Variants in RASA3 observed in about 807,000 individuals in gnomAD.
RASA3 encodes RAS p21 protein activator 3, also known as ras GTPase-activating protein 3.
A neutral mutation model predicts 110.0 loss-of-function variants in RASA3; 73 were observed. The observed-to-expected ratio is 0.66, with a 90% CI of 0.55 to 0.81. The LOEUF is 0.81. Ranked by LOEUF, RASA3 falls within the 30% of genes least tolerant of loss-of-function variation. RASA3 has a pLI of 0.00. For synonymous variants in RASA3, 500 were observed against 451.4 expected (o/e 1.11, Z -1.37); for missense variants, 976 against 1,113.2 (o/e 0.88, Z 1.75).
In RASA3 at chr13:114,014,085, CCTCTCTCTCCGTCTCTCCCTGT is replaced by C; in HGVS notation, c.1406-859_1406-838del. On this transcript the variant is annotated intron_variant, in intron 14 of 23. Transcript: ENST00000334062. This position sits in a 1 kb window ranked among gnomAD's most constrained non-coding sequence, Gnocchi z 4.5. ...CTGCCTCTCTCTCCGTCTGTCTCTG[CCTCTCTCTCCGTCTCTCCCTGT>C]CTCTCTCTCTCTCTCCTTGTCTCTC... 1.7e-5 allele frequency among the ~76,000 whole-genome samples: 2 copies of C among 120,956 alleles called. No homozygotes were observed. The highest frequency in any genetic ancestry group is 2.9e-5 in the African/African-American group (1 of 34,548). The allele number at this position is 120,956 out of a possible 152,430, so 79.4% of individuals were successfully genotyped here.
chr13:114,019,795 G>A (rs1277473809), intron 9 of RASA3, among the ~76,000 whole-genome samples: 3 of 140,260 alleles, frequency 2.1e-5, no homozygotes, highest in Admixed American at 1.4e-4. Flanking sequence ...CCCCCCTCAG[G>A]TGGGTGGAGC....
At chr13:114,089,279 A>AGGGGAGACGAGC (rs1189205352) in intron 1 of RASA3, among the ~76,000 whole-genome samples, 3 of 73,044 alleles carry the variant, frequency 4.1e-5, no homozygotes, top group African/African-American at 5.3e-5. Context: ...AGGGGAGACG[A>AGGGGAGACGAGC]GGGGAGACGA....
intron 1 of RASA3, among the ~76,000 whole-genome samples, chr13:114,090,196 T>A (rs752000313): frequency 1.7e-4 from 26 of 152,174 alleles, no homozygotes; most frequent in Non-Finnish European, 2.9e-4. Context: ...CAGGTTTAAT[T>A]ACCCTAGGAG....
At chr13:114,000,439 A>T (rs901275214) in intron 19 of RASA3, among the ~76,000 whole-genome samples, 1 of 152,148 alleles carries the variant, frequency 6.6e-6, no homozygotes, top group Admixed American at 6.5e-5. Flanking sequence ...CCTAATCTAG[A>T]TCTGAGCCAG....
chr13:114,081,855 G>A (rs950183961), intron 1 of RASA3, among the ~76,000 whole-genome samples: 10 of 152,198 alleles, frequency 6.6e-5, no homozygotes, highest in Admixed American at 2.6e-4. Flanking sequence ...CAGGGCCCCC[G>A]TGTTCCTAGC....
At chr13:114,077,524 G>C (rs2079707780) in intron 1 of RASA3, among the ~76,000 whole-genome samples, 2 of 111,512 alleles carry the variant, frequency 1.8e-5, no homozygotes, top group African/African-American at 7.2e-5. Flanking sequence ...CAACGCACCG[G>C]ATTCATCCCT....
intron 1 of RASA3, among the ~76,000 whole-genome samples, chr13:114,107,044 C>T (rs2080143900): frequency 6.6e-6 from 1 of 152,244 alleles, no homozygotes; most frequent in Non-Finnish European, 1.5e-5. Flanking sequence ...CACGCCCACA[C>T]CTCCTCTCTC....
intron 20 of RASA3, among the ~76,000 whole-genome samples, chr13:113,999,062 ATGTGGGTCCGGGT>A (rs1566458276): frequency 0.025 from 875 of 35,348 alleles, 24 homozygotes; most frequent in East Asian, 0.25. Flanking sequence ...ACGAGGCGAC[ATGTGGGTCCGGGT>A]CAAGCGTGAC....
Position 114,041,106 on chromosome 13 carries a change from G to A in RASA3, c.278-12C>T. ...GATGGCCACCTTCCCTGCAACACAA[G>A]CAGAGAAGACTTCACCACGGGCACA... On this transcript the variant is annotated splice_polypyrimidine_tract_variant and intron_variant, in intron 3 of 23. Coordinates refer to ENST00000334062, the MANE Select transcript of RASA3 (RefSeq NM_007368.4). The A allele has an allele frequency of 6.2e-7, 1 of 1,612,572 alleles. No homozygotes were observed. The highest frequency in any genetic ancestry group is 8.5e-7 in the Non-Finnish European group (1 of 1,179,038).
At chr13:113,979,841 A>T (rs1172028138) in intron 23 of RASA3, among the ~76,000 whole-genome samples, 1 of 149,848 alleles carries the variant, frequency 6.7e-6, no homozygotes, top group Non-Finnish European at 1.5e-5. Flanking sequence ...CCACATGCAC[A>T]CCTCCCTCAT....
rs1225507584 is a variant in RASA3, at chr13:114,115,515, G to T, written c.55+16920C>A. On this transcript the variant is annotated intron_variant, in intron 1 of 23. Coordinates refer to ENST00000334062, the MANE Select transcript of RASA3 (RefSeq NM_007368.4). This position sits in a 1 kb window ranked among gnomAD's most constrained non-coding sequence, Gnocchi z 5.0. ...GATTCATTAATACTCACTTCCTGTC[G>T]CAAGAGACTCATGCCCTAGAGATAA... is the stretch of plus-strand genomic sequence containing the variant. 6.6e-6 allele frequency among the ~76,000 whole-genome samples: 1 copy of T among 152,194 alleles called. No homozygotes were observed. Among genetic ancestry groups the T allele is most frequent in the Non-Finnish European group, 1.5e-5 (1 of 68,030 alleles).
In RASA3 at chr13:114,129,850, C is replaced by T. The variant is rs180835141; in HGVS notation, c.55+2585G>A. On this transcript the variant is annotated intron_variant, in intron 1 of 23. Coordinates refer to ENST00000334062, the MANE Select transcript of RASA3 (RefSeq NM_007368.4). ...CTGGCAGACTCATGGGCAAATCCAGCGCTCCTGGAGACAAGGCTCAGAGGT... is the reference window on the plus strand; with the variant it reads ...CTGGCAGACTCATGGGCAAATCCAGTGCTCCTGGAGACAAGGCTCAGAGGT... Among the ~76,000 whole-genome samples, 395 of 152,330 alleles carry T rather than the reference C, an allele frequency of 2.6e-3. 1 individual carries two copies. Among genetic ancestry groups the T allele is most frequent in the Non-Finnish European group, 4.2e-3 (285 of 68,022 alleles).
intron 4 of RASA3, among the ~76,000 whole-genome samples, chr13:114,040,440 C>T (rs1156883314): frequency 1.7e-4 from 10 of 57,746 alleles, no homozygotes; most frequent in African/African-American, 5.9e-4. Context: ...CGAGCACAAG[C>T]GGGCGAACAC....
At position 114,057,815 on chromosome 13, in the gene RASA3, G is replaced by A. The variant is rs1039849429; in HGVS notation, c.174-5660C>T. 2.0e-4 allele frequency among the ~76,000 whole-genome samples: 31 copies of A among 152,200 alleles called. No homozygotes were observed. The highest frequency in any genetic ancestry group is 6.3e-4 in the African/African-American group (26 of 41,450). ...TGGAAGGGGCACCTCTGGCCAGGGC[G>A]CTCAGCACGAGGGGACCCAGAACAA... On this transcript the variant is annotated intron_variant, in intron 2 of 23. Coordinates refer to ENST00000334062, the MANE Select transcript of RASA3 (RefSeq NM_007368.4). This position sits in a 1 kb window ranked among gnomAD's most constrained non-coding sequence, Gnocchi z 5.0.
intron 21 of RASA3, among the ~76,000 whole-genome samples, chr13:113,995,059 G>A (rs2139112698): frequency 6.6e-6 from 1 of 152,384 alleles, no homozygotes; most frequent in East Asian, 1.9e-4. Context: ...CTCCCGAGCT[G>A]TCCGGCCTCA....
At chr13:114,106,846 G>C (rs897071310) in intron 1 of RASA3, among the ~76,000 whole-genome samples, 4 of 152,208 alleles carry the variant, frequency 2.6e-5, no homozygotes, top group Admixed American at 2.0e-4. Flanking sequence ...CATTTAGAAA[G>C]CTCTGCGTAT....
In RASA3 at chr13:114,021,429, G is replaced by A. The variant is rs751225018; in HGVS notation, c.760C>T (p.Arg254Trp). 27 of 1,613,876 alleles carry A rather than the reference G, an allele frequency of 1.7e-5. No individual in the cohort carries two copies. The highest frequency in any genetic ancestry group is 3.3e-5 in the South Asian group (3 of 91,090). The change falls in exon 9 of 24, where the codon CGG (arginine) becomes TGG (tryptophan). Residue 254 changes from arginine (R) to tryptophan (W), a missense_variant. By Grantham distance (101) the Arg-to-Trp change is moderately radical. This residue lies in a region of RASA3 where 732 missense variants were observed against 779.7 expected (regional missense o/e 0.94). Coordinates refer to ENST00000334062, the MANE Select transcript of RASA3 (RefSeq NM_007368.4). ...GELRIPLKVL[R>W]QSSSYEAWYF... ...CACGCCTCGTAGGAGCTGGACTGCC[G>A]CAGGACTTTCAACGGGATCCTTAGT...
intron 21 of RASA3, among the ~76,000 whole-genome samples, chr13:113,994,393 A>C (rs2053187242): frequency 6.6e-6 from 1 of 152,260 alleles, no homozygotes; most frequent in African/African-American, 2.4e-5. Context: ...ATAATTTGTC[A>C]GTCTTCAACA....
At chr13:114,078,840 C>G (rs1301390400) in intron 1 of RASA3, among the ~76,000 whole-genome samples, 1 of 152,200 alleles carries the variant, frequency 6.6e-6, no homozygotes, top group Non-Finnish European at 1.5e-5. Context: ...GAGGCCCACA[C>G]AGGGTCTCCA....
Sources: allele counts gnomAD v4.1 joint callset (sites outside exome capture counted in the v4.1 genomes callset), GRCh38; gene constraint gnomAD v4.1.1; regional missense constraint gnomAD v4.1.1; non-coding constraint Gnocchi (gnomAD v3.1); transcripts MANE v1.5; gene names NCBI Gene and HGNC (gene_info 2026-07-23, HGNC 2026-07-21).